The following ULK4 variants were observed in gnomAD, a reference collection of about 807,000 sequenced individuals.
ULK4 encodes the protein inactive serine/threonine-protein kinase ULK4.
In ULK4, 133 loss-of-function variants were observed where a neutral mutation model predicts 160.6. The ratio of observed to expected loss-of-function variants is 0.83; its 90% confidence interval spans 0.72 to 0.96. ULK4 has a LOEUF of 0.96. Among genes scored for constraint, ULK4 ranks in the 40% least tolerant of loss-of-function variants. ULK4 has a pLI of 0.00. For missense variants in ULK4, 1,580 were observed against 1,499.5 expected (o/e 1.05, Z -0.89); for synonymous variants, 534 against 539.8 (o/e 0.99, Z 0.15).
intron 32 of ULK4, among the ~76,000 whole-genome samples, chr3:41,502,193 A>G (rs375249569): frequency 2.6e-5 from 4 of 152,344 alleles, no homozygotes; most frequent in South Asian, 4.1e-4. Context: ...CATGAATTTC[A>G]TTTCCGTTGG....
At chr3:41,515,313 T>C (rs574441622) in intron 32 of ULK4, among the ~76,000 whole-genome samples, 1 of 151,924 alleles carries the variant, frequency 6.6e-6, no homozygotes, top group Non-Finnish European at 1.5e-5. Flanking sequence ...TATAAACAGA[T>C]ATAGATAGAT....
intron 35 of ULK4, among the ~76,000 whole-genome samples, chr3:41,353,523 C>G (rs769426374): frequency 2.6e-5 from 4 of 151,960 alleles, no homozygotes; most frequent in Non-Finnish European, 5.9e-5. Flanking sequence ...TAAAAATTAG[C>G]TGAGTGTGGT....
intron 32 of ULK4, among the ~76,000 whole-genome samples, chr3:41,509,103 A>G (rs1160090993): frequency 1.3e-5 from 2 of 152,116 alleles, no homozygotes; most frequent in African/African-American, 2.4e-5. Context: ...GAAATCTTCA[A>G]TGACATAGAT....
chr3:41,678,061 C>A (rs571733262), intron 29 of ULK4, among the ~76,000 whole-genome samples: 3 of 152,196 alleles, frequency 2.0e-5, no homozygotes, highest in South Asian at 2.1e-4. Context: ...AGCTTTCAGA[C>A]AGCAACTACA....
intron 22 of ULK4, among the ~76,000 whole-genome samples, chr3:41,734,850 G>A (rs1037175353): frequency 6.6e-6 from 1 of 152,194 alleles, no homozygotes; most frequent in African/African-American, 2.4e-5. Flanking sequence ...TGATGGTACA[G>A]ATTAAATGGA....
chr3:41,277,982 G>A (rs1055461834), intron 35 of ULK4: 1 of 152,326 alleles, frequency 6.6e-6, no homozygotes, highest in African/African-American at 2.4e-5. Flanking sequence ...CCGAAGCAGG[G>A]CGGGGTGTCG....
At chr3:41,428,557 G>T (rs1365909710) in intron 34 of ULK4, among the ~76,000 whole-genome samples, 1 of 152,032 alleles carries the variant, frequency 6.6e-6, no homozygotes, top group East Asian at 1.9e-4. Context: ...GCATGGTAAT[G>T]GCACAAAAAC....
intron 35 of ULK4, among the ~76,000 whole-genome samples, chr3:41,252,790 T>A (rs966102312): frequency 1.3e-5 from 2 of 151,646 alleles, no homozygotes; most frequent in Admixed American, 1.3e-4. Flanking sequence ...AAGAAATAAA[T>A]CTACAGATTC....
intron 34 of ULK4, among the ~76,000 whole-genome samples, chr3:41,408,134 T>TAA (rs71288062): frequency 2.0e-5 from 3 of 150,002 alleles, no homozygotes; most frequent in African/African-American, 7.3e-5. Context: ...TAGCAAAAAA[T>TAA]AAAAAAAAAT....
chr3:41,725,329 T>C (rs886697049), intron 22 of ULK4, among the ~76,000 whole-genome samples: 1 of 152,212 alleles, frequency 6.6e-6, no homozygotes, highest in Non-Finnish European at 1.5e-5. Flanking sequence ...CTTTCCTATA[T>C]TGATATCTAA....
intron 29 of ULK4, among the ~76,000 whole-genome samples, chr3:41,676,802 A>G (rs911361466): frequency 6.6e-6 from 1 of 151,958 alleles, no homozygotes; most frequent in African/African-American, 2.4e-5. Context: ...CTCAATGTGC[A>G]GGTTTCTGCT....
chr3:41,740,577 A>G (rs542006012), intron 22 of ULK4, among the ~76,000 whole-genome samples: 1 of 152,110 alleles, frequency 6.6e-6, no homozygotes, highest in Admixed American at 6.5e-5. Flanking sequence ...CACCTGTCTC[A>G]TGCTAGACAG....
At chr3:41,926,033 G>T (rs1203540151) in intron 5 of ULK4, among the ~76,000 whole-genome samples, 1 of 151,948 alleles carries the variant, frequency 6.6e-6, no homozygotes, top group Non-Finnish European at 1.5e-5. Flanking sequence ...GTGGGTCCCT[G>T]ACCCCTGTGT....
intron 29 of ULK4, among the ~76,000 whole-genome samples, chr3:41,665,777 T>C (rs1160837848): frequency 2.0e-5 from 3 of 152,192 alleles, no homozygotes; most frequent in Non-Finnish European, 4.4e-5. Flanking sequence ...AGACACAACT[T>C]AGCATACTGG....
chr3:41,594,168 A>G (rs997556717), intron 31 of ULK4, among the ~76,000 whole-genome samples: 5 of 152,222 alleles, frequency 3.3e-5, no homozygotes, highest in Admixed American at 6.5e-5. Context: ...CATAGAACAT[A>G]TAATTTTAAA....
chr3:41,853,333 T>G (rs1208116818), intron 17 of ULK4, among the ~76,000 whole-genome samples: 1 of 152,070 alleles, frequency 6.6e-6, no homozygotes, highest in Non-Finnish European at 1.5e-5. Flanking sequence ...CCATATAGCT[T>G]TAAAGACTAG....
At chr3:41,705,382 C>T in intron 25 of ULK4, 77 bp from the exon 26 acceptor site, 1 of 1,131,678 alleles carries the variant, frequency 8.8e-7, no homozygotes, top group Non-Finnish European at 1.3e-6. Flanking sequence ...TACATTTTGC[C>T]CAAAACTGTA....
At chr3:41,890,618 G>A (rs1484964957) in intron 16 of ULK4, among the ~76,000 whole-genome samples, 1 of 150,774 alleles carries the variant, frequency 6.6e-6, no homozygotes, top group African/African-American at 2.4e-5. Flanking sequence ...GGTGGAGGTT[G>A]CAGTGAGCCA....
At chr3:41,802,037 T>C (rs1443211759) in intron 19 of ULK4, among the ~76,000 whole-genome samples, 2 of 151,792 alleles carry the variant, frequency 1.3e-5, no homozygotes, top group South Asian at 2.1e-4. Context: ...ACTGTCAACC[T>C]ACAAATTTAT....
Sources: gnomAD v4.1 joint callset for allele counts (sites outside exome capture counted in the v4.1 genomes callset) on GRCh38, gnomAD v4.1.1 for gene constraint, MANE v1.5 for transcripts, NCBI Gene and HGNC (gene_info 2026-07-23, HGNC 2026-07-21) for gene names.